Variants in SGPP2 observed in about 807,000 individuals in gnomAD.
SGPP2 encodes sphingosine 1-phosphate phosphohydrolase 2.
Under a neutral mutation model 33.9 loss-of-function variants are expected in SGPP2, and 30 were observed. The observed-to-expected ratio is 0.89, with a 90% CI of 0.66 to 1.20. SGPP2 has a LOEUF of 1.20. Ranked by LOEUF, SGPP2 falls within the 50% of genes most tolerant of loss-of-function variation. SGPP2 has a pLI of 0.00. For missense variants in SGPP2, 458 were observed against 532.1 expected, an observed-to-expected ratio of 0.86 and a Z score of 1.37; for synonymous variants, 233 against 225.0, an observed-to-expected ratio of 1.04 and a Z score of -0.32.
intron 1 of SGPP2, among the ~76,000 whole-genome samples, chr2:222,464,730 A>T (rs1697719565): frequency 6.6e-6 from 1 of 152,054 alleles, no homozygotes. Flanking sequence ...CGATCCTCCT[A>T]CCTCAGCCTC....
intron 2 of SGPP2, among the ~76,000 whole-genome samples, chr2:222,512,079 A>G (rs2106126107): frequency 6.6e-6 from 1 of 151,862 alleles, no homozygotes; most frequent in African/African-American, 2.4e-5. Flanking sequence ...CAGTGGTGTG[A>G]TCTTGGCTCA....
At chr2:222,424,209 G>A (rs1391268039), upstream of SGPP2, among the ~76,000 whole-genome samples, 1 of 150,858 alleles carries the variant, frequency 6.6e-6, no homozygotes, top group African/African-American at 2.4e-5. Context: ...GGGAGCGGCC[G>A]CAGGTGCACG....
chr2:222,490,643 C>G (rs1233101966), intron 2 of SGPP2, among the ~76,000 whole-genome samples: 5 of 147,876 alleles, frequency 3.4e-5, no homozygotes, highest in Admixed American at 2.7e-4. Context: ...CAAGGTCTCA[C>G]TATGTTACCC....
intron 1 of SGPP2, among the ~76,000 whole-genome samples, chr2:222,458,212 C>CT (rs1268917729): frequency 7.3e-6 from 1 of 137,316 alleles, no homozygotes; most frequent in African/African-American, 2.7e-5. Flanking sequence ...CCATGCCTAG[C>CT]TATTTTTTTT....
intron 4 of SGPP2, among the ~76,000 whole-genome samples, chr2:222,543,017 AC>A (rs1179094931): frequency 6.6e-6 from 1 of 150,980 alleles, no homozygotes; most frequent in East Asian, 1.9e-4. Context: ...AGCTTTTCCT[AC>A]TCTGTAGCTT....
At chr2:222,557,460 TAATG>T (rs954438769) in intron 4 of SGPP2, among the ~76,000 whole-genome samples, 32 of 152,170 alleles carry the variant, frequency 2.1e-4, no homozygotes, top group Non-Finnish European at 2.5e-4. Flanking sequence ...GAAAAATAAA[TAATG>T]AAGTTATTAG....
intron 2 of SGPP2, among the ~76,000 whole-genome samples, chr2:222,479,927 T>C (rs2106101564): frequency 6.6e-6 from 1 of 152,352 alleles, no homozygotes; most frequent in East Asian, 1.9e-4. Flanking sequence ...ATCAATTCAC[T>C]AACTTCTCTC....
At chr2:222,456,470 A>G (rs996589237) in intron 1 of SGPP2, among the ~76,000 whole-genome samples, 3 of 152,276 alleles carry the variant, frequency 2.0e-5, no homozygotes, top group African/African-American at 7.2e-5. Context: ...TGAACAGCAC[A>G]GCTCTATGGC....
intron 2 of SGPP2, among the ~76,000 whole-genome samples, chr2:222,516,089 G>C (rs552577010): frequency 6.6e-6 from 1 of 152,118 alleles, no homozygotes; most frequent in East Asian, 1.9e-4. Flanking sequence ...TTTTAACATA[G>C]GTACCTATCC....
In SGPP2 at chr2:222,424,704, C is replaced by A. The variant is rs1008366094; in HGVS notation, c.102C>A (p.Asn34Lys). The A allele has an allele frequency of 7.6e-6, 11 of 1,445,280 alleles. No homozygotes were observed. The highest frequency in any genetic ancestry group is 2.5e-5 in the Admixed American group (1 of 40,206). The allele number at this position is 1,445,280 out of a possible 1,614,324, so 89.5% of individuals were successfully genotyped here. The change falls in exon 1 of 5, where the codon AAC becomes AAA. Residue 34 changes from asparagine to lysine, a missense_variant. Physicochemically the swap from Asn to Lys is moderately conservative, Grantham distance 94 (BLOSUM62 0). Transcript: ENST00000321276. Reference sequence around the variant, plus strand: ...CTCCGGATGAAGGCCCCCGGGAGAACGGCGCGGACCCCACGGAGCGCGCGG... The same window carrying A: ...CTCCGGATGAAGGCCCCCGGGAGAAAGGCGCGGACCCCACGGAGCGCGCGG... ...FPAPDEGPRE[N>K]GADPTERAAR...
intron 1 of SGPP2, among the ~76,000 whole-genome samples, chr2:222,472,967 T>C (rs1280755001): frequency 6.6e-6 from 1 of 152,100 alleles, no homozygotes; most frequent in African/African-American, 2.4e-5. Context: ...TGAGCCAAGA[T>C]AGTGCCATTG....
At chr2:222,535,260 C>T (rs145700091) in intron 4 of SGPP2, among the ~76,000 whole-genome samples, 3,576 of 152,076 alleles carry the variant, frequency 0.024, 62 homozygotes, top group African/African-American at 0.048. Context: ...TGCCTATAAT[C>T]CCAGCTACTC....
intron 2 of SGPP2, among the ~76,000 whole-genome samples, chr2:222,518,082 C>T (rs980423437): frequency 6.6e-6 from 1 of 152,118 alleles, no homozygotes; most frequent in Non-Finnish European, 1.5e-5. Flanking sequence ...AATGGCAATG[C>T]CAGAAACAGG....
chr2:222,497,379 G>T (rs192549564), intron 2 of SGPP2, among the ~76,000 whole-genome samples: 1 of 150,186 alleles, frequency 6.7e-6, no homozygotes, highest in Admixed American at 6.7e-5. Flanking sequence ...CTGCCTCCCC[G>T]GGTCTCCTGG....
chr2:222,529,436 G>A (rs1421055830), intron 4 of SGPP2, among the ~76,000 whole-genome samples: 1 of 152,172 alleles, frequency 6.6e-6, no homozygotes, highest in African/African-American at 2.4e-5. Context: ...CCGGGTTCAA[G>A]CCATTGTTCT....
chr2:222,507,463 A>G (rs1698461924), intron 2 of SGPP2, among the ~76,000 whole-genome samples: 1 of 152,214 alleles, frequency 6.6e-6, no homozygotes, highest in South Asian at 2.1e-4. Context: ...CATTGTTGCC[A>G]TCAGGGGTTT....
At chr2:222,513,061 C>T (rs1383841102) in intron 2 of SGPP2, among the ~76,000 whole-genome samples, 2 of 152,194 alleles carry the variant, frequency 1.3e-5, no homozygotes, top group Non-Finnish European at 2.9e-5. Flanking sequence ...TACCATCTTC[C>T]AAAGTGGCTG....
intron 2 of SGPP2, among the ~76,000 whole-genome samples, chr2:222,488,422 C>T (rs905369683): frequency 3.3e-5 from 5 of 152,160 alleles, no homozygotes; most frequent in Non-Finnish European, 7.4e-5. Flanking sequence ...TGCAAGGGAT[C>T]GAGGTTGTGC....
At chr2:222,539,897 C>T (rs1453286657) in intron 4 of SGPP2, among the ~76,000 whole-genome samples, 2 of 152,178 alleles carry the variant, frequency 1.3e-5, no homozygotes, top group Non-Finnish European at 2.9e-5. Context: ...AGTTACTTCT[C>T]AGCTTACTAT....
Sources: gnomAD v4.1 joint callset for allele counts (sites outside exome capture counted in the v4.1 genomes callset) on GRCh38, gnomAD v4.1.1 for gene constraint, MANE v1.5 for transcripts, NCBI Gene and HGNC (gene_info 2026-07-23, HGNC 2026-07-21) for gene names.